BOLL: variants seen among roughly 807,000 people sequenced by gnomAD.
BOLL encodes the protein protein boule-like.
BOLL carries 23 observed loss-of-function variants against 44.4 expected under a neutral mutation model. That is an observed-to-expected ratio of 0.52 (90% CI 0.37 to 0.73). BOLL has a LOEUF of 0.73. Ranked by LOEUF, BOLL falls within the 30% of genes least tolerant of loss-of-function variation. The probability of loss-of-function intolerance (pLI) is 0.00; values close to 1 mark genes in which losing one functional copy is unlikely to be tolerated. For synonymous variants in BOLL, 97 were observed against 110.8 expected, an observed-to-expected ratio of 0.88 and a Z score of 0.78; for missense variants, 287 against 338.3, an observed-to-expected ratio of 0.85 and a Z score of 1.19.
chr2:197,751,838 CAA>C (rs537934386), intron 9 of BOLL, among the ~76,000 whole-genome samples: 11 of 134,344 alleles, frequency 8.2e-5, no homozygotes, highest in Admixed American at 6.0e-4. Context: ...CAGAAACCAA[CAA>C]AAAAAAAAAA....
intron 10 of BOLL, among the ~76,000 whole-genome samples, chr2:197,739,218 AT>A (rs1687630658): frequency 6.6e-6 from 1 of 152,036 alleles, no homozygotes; most frequent in Non-Finnish European, 1.5e-5. Flanking sequence ...TTGGAAGTCT[AT>A]TTTTTTCCAT....
chr2:197,769,004 A>T (rs1179569628), intron 6 of BOLL, among the ~76,000 whole-genome samples: 1 of 151,744 alleles, frequency 6.6e-6, no homozygotes, highest in African/African-American at 2.4e-5. Flanking sequence ...CATCCCAGGG[A>T]TGAAGCCAAC....
chr2:197,752,901 C>G (rs931812696), intron 9 of BOLL, among the ~76,000 whole-genome samples: 18 of 152,182 alleles, frequency 1.2e-4, no homozygotes, highest in Non-Finnish European at 2.2e-4. Flanking sequence ...TGACTTCAAA[C>G]TATACTACAA....
At chr2:197,782,046 A>AACT (rs1393272556) in intron 1 of BOLL, among the ~76,000 whole-genome samples, 181 bp from the exon 2 acceptor site, 3 of 152,160 alleles carry the variant, frequency 2.0e-5, no homozygotes, top group Non-Finnish European at 4.4e-5. Context: ...AAGGCAACAG[A>AACT]ACTAGGAAAC....
At chr2:197,746,554 G>C (rs1479972247) in intron 9 of BOLL, among the ~76,000 whole-genome samples, 1 of 152,158 alleles carries the variant, frequency 6.6e-6, no homozygotes, top group Non-Finnish European at 1.5e-5. Context: ...AGCACAGAAA[G>C]ACAAATACTA....
intron 1 of BOLL, among the ~76,000 whole-genome samples, chr2:197,784,194 C>T (rs1037738774): frequency 2.6e-5 from 4 of 151,520 alleles, no homozygotes; most frequent in African/African-American, 9.7e-5. Context: ...TATTATCTGT[C>T]TCCACTATTA....
chr2:197,759,192 G>A (rs139594907), intron 7 of BOLL, among the ~76,000 whole-genome samples: 187 of 152,214 alleles, frequency 1.2e-3, no homozygotes, highest in African/African-American at 4.2e-3. Flanking sequence ...ACACACCTGT[G>A]GTGATTGCAA....
At chr2:197,780,870 GT>G (rs2106393059) in intron 2 of BOLL, among the ~76,000 whole-genome samples, 1 of 151,964 alleles carries the variant, frequency 6.6e-6, no homozygotes, top group African/African-American at 2.4e-5. Flanking sequence ...CCATTTGAAA[GT>G]AAGAGTATTC....
chr2:197,774,240 AT>A, intron 5 of BOLL: 1 of 195,324 alleles, frequency 5.1e-6, no homozygotes, highest in South Asian at 8.6e-5. Flanking sequence ...ACAATATGAT[AT>A]TATGGAACAG....
At chr2:197,734,035 A>G (rs1399512922) in intron 10 of BOLL, among the ~76,000 whole-genome samples, 2 of 151,490 alleles carry the variant, frequency 1.3e-5, no homozygotes, top group African/African-American at 4.9e-5. Context: ...AACCTACAAA[A>G]TGGGAGAAAA....
upstream of BOLL, chr2:197,786,015 C>T: frequency 1.2e-6 from 2 of 1,612,124 alleles, no homozygotes; most frequent in Non-Finnish European, 1.7e-6. The surrounding 1 kb of genome is among the most constrained non-coding windows in gnomAD (Gnocchi z 5.9). Context: ...TTCCTCTCTG[C>T]TCTTCAGAGA....
At chr2:197,786,103 ACT>A, upstream of BOLL, 3 of 1,461,418 alleles carry the variant, frequency 2.1e-6, no homozygotes, top group Non-Finnish European at 2.7e-6. The surrounding 1 kb of genome is among the most constrained non-coding windows in gnomAD (Gnocchi z 5.9). Context: ...CCTGCCTGGG[ACT>A]CTCGCCCCCT....
chr2:197,785,861 T>A (rs1690050372), upstream of BOLL: 1 of 875,102 alleles, frequency 1.1e-6, no homozygotes. The surrounding 1 kb of genome is among the most constrained non-coding windows in gnomAD (Gnocchi z 6.7). Context: ...CCACGTTTCT[T>A]CCCAACCAGA....
At chr2:197,735,597 G>A (rs186513482) in intron 10 of BOLL, among the ~76,000 whole-genome samples, 1 of 152,088 alleles carries the variant, frequency 6.6e-6, no homozygotes, top group Non-Finnish European at 1.5e-5. Flanking sequence ...TCCTGTGCCT[G>A]TGCCCTCTAG....
intron 7 of BOLL, chr2:197,758,988 G>C: frequency 6.5e-7 from 1 of 1,535,840 alleles, no homozygotes; most frequent in South Asian, 1.2e-5. Flanking sequence ...CCATCTTCTT[G>C]TATGACATTG....
upstream of BOLL, chr2:197,785,942 C>T (rs1198430248): frequency 3.3e-6 from 5 of 1,514,744 alleles, no homozygotes; most frequent in South Asian, 5.6e-5. This position sits in a 1 kb window ranked among gnomAD's most constrained non-coding sequence, Gnocchi z 6.7. Flanking sequence ...GCTCCTTCTC[C>T]CCGCTATCCC....
At chr2:197,743,260 G>C in intron 9 of BOLL, 101 bp from the exon 10 acceptor site, 3 of 782,692 alleles carry the variant, frequency 3.8e-6, no homozygotes, top group Admixed American at 3.8e-5. Context: ...ATACAATGTA[G>C]AAACAGTTAA....
chr2:197,749,317 A>G lies in BOLL; in HGVS notation c.730-6158T>C, dbSNP rs573757650. Reference sequence around the variant, plus strand: ...AAAAAGGCTGAAAATTCCAAATACCAGAATGCCTCTTCCCCTCCAAAGGAT... The same window carrying G: ...AAAAAGGCTGAAAATTCCAAATACCGGAATGCCTCTTCCCCTCCAAAGGAT... On this transcript the variant is annotated intron_variant, in intron 9 of 10. Coordinates refer to ENST00000392296, the MANE Select transcript of BOLL (RefSeq NM_033030.6). Among the ~76,000 whole-genome samples the G allele has an allele frequency of 5.3e-5, 8 of 152,316 alleles. No homozygotes were observed. The South Asian group carries it at 1.7e-3, about 32-fold the overall frequency.
intron 6 of BOLL, 74 bp downstream of exon 6, chr2:197,771,781 A>G (rs967256623): frequency 6.5e-5 from 90 of 1,391,688 alleles, no homozygotes; most frequent in Non-Finnish European, 8.5e-5. Flanking sequence ...TGGTTAAGAT[A>G]TTTCAGAAAT....
Sources: gnomAD v4.1 joint callset for allele counts (sites outside exome capture counted in the v4.1 genomes callset) on GRCh38, gnomAD v4.1.1 for gene constraint, Gnocchi (gnomAD v3.1) non-coding constraint, MANE v1.5 for transcripts, NCBI Gene and HGNC (gene_info 2026-07-23, HGNC 2026-07-21) for gene names.